The following RBMS3 variants were observed in gnomAD, a reference collection of about 807,000 sequenced individuals.
The protein encoded by RBMS3 is RNA-binding motif, single-stranded-interacting protein 3.
A neutral mutation model predicts 66.8 loss-of-function variants in RBMS3; 27 were observed. That is an observed-to-expected ratio of 0.40 (90% CI 0.30 to 0.56). The LOEUF (loss-of-function observed/expected upper bound fraction) is 0.56, where lower values mean the gene tolerates loss of function less well. RBMS3 is among the 20% of genes least tolerant of loss of function. The probability of loss-of-function intolerance (pLI) is 0.40; values close to 1 mark genes in which losing one functional copy is unlikely to be tolerated. For synonymous variants in RBMS3, 188 were observed against 183.0 expected (o/e 1.03, Z -0.22); for missense variants, 513 against 549.5 (o/e 0.93, Z 0.66).
At chr3:29,975,468 TATATC>T (rs1274567472) in intron 12 of RBMS3, among the ~76,000 whole-genome samples, 3 of 151,876 alleles carry the variant, frequency 2.0e-5, no homozygotes, top group Admixed American at 6.6e-5. Context: ...AGTAGGGTGT[TATATC>T]ATAATATTTT....
At chr3:29,532,441 C>T (rs536315139) in intron 3 of RBMS3, among the ~76,000 whole-genome samples, 1 of 151,878 alleles carries the variant, frequency 6.6e-6, no homozygotes, top group African/African-American at 2.4e-5. Context: ...TCCTTGCCAA[C>T]ACTGTGCCCA....
chr3:29,390,391 C>T (rs553804622), intron 1 of RBMS3, among the ~76,000 whole-genome samples: 5 of 152,232 alleles, frequency 3.3e-5, no homozygotes, highest in East Asian at 3.9e-4. Context: ...TAAAAAGCTG[C>T]ATAGTCAAAT....
At chr3:29,491,570 C>G (rs997489007) in intron 3 of RBMS3, among the ~76,000 whole-genome samples, 3 of 151,162 alleles carry the variant, frequency 2.0e-5, no homozygotes, top group Non-Finnish European at 4.4e-5. Context: ...ACTGGTCTCA[C>G]CAATAAATAT....
At chr3:29,559,015 G>A (rs554810352) in intron 3 of RBMS3, among the ~76,000 whole-genome samples, 1 of 152,194 alleles carries the variant, frequency 6.6e-6, no homozygotes, top group African/African-American at 2.4e-5. Flanking sequence ...ACACAATATT[G>A]CATAGATAAG....
chr3:29,571,871 A>G (rs2149068051), intron 3 of RBMS3, among the ~76,000 whole-genome samples: 1 of 152,302 alleles, frequency 6.6e-6, no homozygotes, highest in East Asian at 1.9e-4. Context: ...GATAGTATGC[A>G]CATTTTAAAC....
At chr3:29,941,255 A>G (rs1407028910) in intron 11 of RBMS3, among the ~76,000 whole-genome samples, 1 of 151,310 alleles carries the variant, frequency 6.6e-6, no homozygotes, top group Non-Finnish European at 1.5e-5. Context: ...CAGTCACACC[A>G]CTCCTTCACT....
At chr3:29,868,382 G>A (rs1288470763) in intron 6 of RBMS3, among the ~76,000 whole-genome samples, 1 of 152,070 alleles carries the variant, frequency 6.6e-6, no homozygotes, top group Non-Finnish European at 1.5e-5. Context: ...AATTACAGGG[G>A]ACTAATTTTT....
intron 2 of RBMS3, among the ~76,000 whole-genome samples, chr3:29,487,935 C>T (rs1264582410): frequency 6.6e-6 from 1 of 152,102 alleles, no homozygotes; most frequent in East Asian, 1.9e-4. Context: ...TTACATTGCT[C>T]CTGGAGCCTA....
At chr3:29,491,482 C>T (rs184908650) in intron 3 of RBMS3, among the ~76,000 whole-genome samples, 310 of 152,240 alleles carry the variant, frequency 2.0e-3, no homozygotes, top group African/African-American at 7.2e-3. Flanking sequence ...TATAATCTTA[C>T]AAATACATAG....
At chr3:29,336,886 T>C (rs1212716405) in intron 1 of RBMS3, among the ~76,000 whole-genome samples, 1 of 152,106 alleles carries the variant, frequency 6.6e-6, no homozygotes, top group Non-Finnish European at 1.5e-5. Flanking sequence ...ATTTAAACAA[T>C]TACAAATAAA....
intron 6 of RBMS3, among the ~76,000 whole-genome samples, chr3:29,794,199 C>T (rs1244456971): frequency 1.3e-5 from 2 of 152,182 alleles, no homozygotes; most frequent in Admixed American, 6.5e-5. Context: ...CAACCTACTA[C>T]ACCATTGGAC....
In RBMS3 at chr3:29,596,430, G is replaced by A. The variant is rs115286631; in HGVS notation, c.399+9225G>A. On this transcript the variant is annotated intron_variant, in intron 4 of 14. Coordinates refer to ENST00000383767, the MANE Select transcript of RBMS3 (RefSeq NM_001003793.3). ...CAAAAAGGCAAGGAGACAGACAAAC[G>A]GATGCAGGGAATAAAGGAGATTATT... is the stretch of plus-strand genomic sequence containing the variant. Among the ~76,000 whole-genome samples the A allele has an allele frequency of 8.2e-3, 1,252 of 152,294 alleles. 20 individuals carry two copies. The highest frequency in any genetic ancestry group is 0.029 in the African/African-American group (1,195 of 41,566).
Position 30,007,016 on chromosome 3 carries a change from A to T in RBMS3, c.*3154A>T, listed in dbSNP as rs1381054675. 2 of 151,994 alleles carry T rather than the reference A, an allele frequency of 1.3e-5. No homozygotes were observed. The highest frequency in any genetic ancestry group is 4.8e-5 in the African/African-American group (2 of 41,414). 9.4% of individuals were successfully genotyped at this position (151,994 alleles called of 1,614,324 possible). A position where few individuals can be genotyped will look rare whatever the true frequency, so the allele number is the denominator to read the frequency against. On this transcript the variant is annotated 3_prime_UTR_variant, in exon 15 of 15. Transcript: ENST00000383767. ...TAGTTTATATCATGCCATTCTATAAAATGTATGTTTTCAAACCAAAAAGAA... is the reference window on the plus strand; with the variant it reads ...TAGTTTATATCATGCCATTCTATAATATGTATGTTTTCAAACCAAAAAGAA...
intron 3 of RBMS3, among the ~76,000 whole-genome samples, chr3:29,561,432 TTTGTTGTTGTTGTTGTTGTTG>T (rs372349286): frequency 2.7e-5 from 4 of 148,948 alleles, no homozygotes; most frequent in African/African-American, 1.0e-4. Flanking sequence ...ATCTGTTGTT[TTTGTTGTTGTTGTTGTTGTTG>T]TTGTTGTTGT....
At chr3:29,709,592 A>G (rs12053957) in intron 4 of RBMS3, among the ~76,000 whole-genome samples, 64,779 of 152,028 alleles carry the variant, frequency 0.43, 14,382 homozygotes, top group South Asian at 0.53. Context: ...TATTGCCTTC[A>G]TTATCAGTAC....
At chr3:29,618,177 G>A (rs970816656) in intron 4 of RBMS3, among the ~76,000 whole-genome samples, 15 of 152,062 alleles carry the variant, frequency 9.9e-5, no homozygotes, top group African/African-American at 3.6e-4. Context: ...TAGCTATTTA[G>A]GAAATTAAAT....
At chr3:29,519,480 G>C (rs1161805105) in intron 3 of RBMS3, among the ~76,000 whole-genome samples, 1 of 152,114 alleles carries the variant, frequency 6.6e-6, no homozygotes, top group Non-Finnish European at 1.5e-5. Flanking sequence ...AAATAGAAAG[G>C]TCACAAACAT....
intron 4 of RBMS3, among the ~76,000 whole-genome samples, chr3:29,707,889 G>T (rs1483006873): frequency 6.6e-6 from 1 of 152,142 alleles, no homozygotes; most frequent in Non-Finnish European, 1.5e-5. Flanking sequence ...TATATGTTGT[G>T]ATGCTTTCAG....
chr3:29,684,811 C>CAG (rs1559567119), intron 4 of RBMS3, among the ~76,000 whole-genome samples: 38 of 150,372 alleles, frequency 2.5e-4, no homozygotes, highest in African/African-American at 8.7e-4. Context: ...CACACACACA[C>CAG]ACACAGACAC....
Sources: allele counts gnomAD v4.1 joint callset (sites outside exome capture counted in the v4.1 genomes callset), GRCh38; gene constraint gnomAD v4.1.1; transcripts MANE v1.5; gene names NCBI Gene and HGNC (gene_info 2026-07-23, HGNC 2026-07-21).